The following KYNU variants were observed in gnomAD, a reference collection of about 807,000 sequenced individuals.
KYNU encodes the protein L-kynurenine hydrolase.
In KYNU, 54 loss-of-function variants were observed where a neutral mutation model predicts 59.2. The observed-to-expected ratio is 0.91, with a 90% confidence interval of 0.73 to 1.14. KYNU has a LOEUF of 1.14. Ranked by LOEUF, KYNU falls within the 50% of genes most tolerant of loss-of-function variation. KYNU has a pLI of 0.00. For synonymous variants in KYNU, 177 were observed against 192.0 expected, an observed-to-expected ratio of 0.92 and a Z score of 0.65; for missense variants, 567 against 554.4, an observed-to-expected ratio of 1.02 and a Z score of -0.23.
chr2:142,965,458 T>TG (rs568743602), intron 8 of KYNU, among the ~76,000 whole-genome samples: 115 of 152,278 alleles, frequency 7.6e-4, no homozygotes, highest in South Asian at 2.1e-3. Flanking sequence ...AAGGGGCTGC[T>TG]GGGGTCCACT....
chr2:142,982,763 T>C (rs1023645764), intron 8 of KYNU, among the ~76,000 whole-genome samples: 6 of 152,202 alleles, frequency 3.9e-5, no homozygotes, highest in East Asian at 1.9e-4. Context: ...CTGGCTCACA[T>C]TGAGGATCTG....
intron 10 of KYNU, among the ~76,000 whole-genome samples, chr2:143,021,647 C>T (rs530574686): frequency 1.2e-4 from 19 of 152,214 alleles, no homozygotes; most frequent in Non-Finnish European, 2.5e-4. Context: ...CGCTTTTAAA[C>T]GACCAGAAAT....
intron 8 of KYNU, among the ~76,000 whole-genome samples, chr2:142,963,040 G>A (rs1684401808): frequency 6.6e-6 from 1 of 152,102 alleles, no homozygotes; most frequent in South Asian, 2.1e-4. Flanking sequence ...AAGCATGGTG[G>A]GAATACAAAA....
Position 143,040,503 on chromosome 2 carries a change from A to G in KYNU, c.1117A>G (p.Lys373Glu), listed in dbSNP as rs1182196513. The change falls in exon 13 of 14, where the codon AAG (lysine) becomes GAG (glutamate). Residue 373 changes from lysine (K) to glutamate (E), a missense_variant. Physicochemically the swap from Lys to Glu is moderately conservative, Grantham distance 56. Coordinates refer to ENST00000264170, the MANE Select transcript of KYNU (RefSeq NM_003937.3). ...LLTGYLEYLI[K>E]HNYGKDKAAT... is the part of the protein sequence containing the mutation. ...AACTGGCTATCTGGAATACCTGATC[A>G]AGCATAACTATGGCAAAGATAAAGC... is the stretch of plus-strand genomic sequence containing the variant. 4.3e-6 allele frequency: 7 copies of G among 1,613,262 alleles called. No individual in the cohort carries two copies. The East Asian group carries it at 1.6e-4, about 36-fold the overall frequency.
At chr2:142,951,922 A>G (rs976044010) in intron 4 of KYNU, among the ~76,000 whole-genome samples, 5 of 152,244 alleles carry the variant, frequency 3.3e-5, no homozygotes, top group African/African-American at 4.8e-5. Flanking sequence ...GGGAAGCTCT[A>G]TACCAAGTGT....
intron 3 of KYNU, among the ~76,000 whole-genome samples, chr2:142,921,002 C>G (rs1682861877): frequency 6.6e-6 from 1 of 152,170 alleles, no homozygotes; most frequent in Non-Finnish European, 1.5e-5. Flanking sequence ...AACTTTTTCT[C>G]TACCAAATGA....
chr2:143,035,876 G>C (rs1236871548), intron 12 of KYNU, among the ~76,000 whole-genome samples: 1 of 152,042 alleles, frequency 6.6e-6, no homozygotes, highest in African/African-American at 2.4e-5. Context: ...GGACTCAGTT[G>C]ATCTTCCCAC....
chr2:142,977,639 C>G (rs1489848665), intron 8 of KYNU, among the ~76,000 whole-genome samples: 1 of 151,886 alleles, frequency 6.6e-6, no homozygotes, highest in Non-Finnish European at 1.5e-5. Flanking sequence ...TCTCATTGAA[C>G]TATACTATAC....
chr2:143,043,570 G>A lies in KYNU; in HGVS notation c.*1398G>A, dbSNP rs1687113755. 1 of 151,564 alleles carries A rather than the reference G, an allele frequency of 6.6e-6. No homozygotes were observed. The highest frequency in any genetic ancestry group is 2.1e-4 in the South Asian group (1 of 4,826). The allele number at this position is 151,564 out of a possible 1,614,324, so 9.4% of individuals were successfully genotyped here. On this transcript the variant is annotated 3_prime_UTR_variant, in exon 14 of 14. Coordinates refer to ENST00000264170, the MANE Select transcript of KYNU (RefSeq NM_003937.3). ...CTGATATTTATCATGTACTTACCAT[G>A]TACCATGTATTGTGCTACATTACTC...
At chr2:142,946,978 A>G in intron 4 of KYNU, 1 of 1,446,614 alleles carries the variant, frequency 6.9e-7, no homozygotes, top group Non-Finnish European at 9.3e-7. Context: ...TTGTATTTCA[A>G]ATAGCCAACT....
At chr2:142,993,344 G>T (rs1685455573) in intron 10 of KYNU, among the ~76,000 whole-genome samples, 1 of 151,834 alleles carries the variant, frequency 6.6e-6, no homozygotes, top group African/African-American at 2.4e-5. Context: ...TCATAAAATT[G>T]TTCTTTATCT....
Position 143,042,112 on chromosome 2 carries a change from T to C in KYNU, c.1338T>C (p.Asp446=), listed in dbSNP as rs1315847181. The C allele has an allele frequency of 1.2e-6, 2 of 1,610,952 alleles. No homozygotes were observed. The highest frequency in any genetic ancestry group is 1.7e-6 in the Non-Finnish European group (2 of 1,178,220). ...APVPLYNSFH[D]VYKFTNLLTS... is the part of the protein sequence containing the mutation. ...TTCCTCTCTATAATTCTTTCCATGA[T>C]GTTTATAAATTTACCAATCTGCTCA... The change falls in exon 14 of 14, where the codon GAT becomes GAC. Residue 446 remains aspartate, a synonymous_variant. Coordinates refer to ENST00000264170, the MANE Select transcript of KYNU (RefSeq NM_003937.3).
In KYNU at chr2:142,960,651, A is replaced by G; in HGVS notation, c.610A>G (p.Ile204Val). ...GGAAGAAACCTTAAGAATAGAGGAT[A>G]TCCTTGAAGTAATTGAGAAGGAAGG... The part of the protein sequence containing the change: ...EGEETLRIED[I>V]LEVIEKEGDS... Residue 204 changes from isoleucine (I) to valine (V), a missense_variant, in exon 8 of 14, where the codon ATC (isoleucine) becomes GTC (valine). By Grantham distance (29) the Ile-to-Val change is conservative. Coordinates refer to ENST00000264170, the MANE Select transcript of KYNU (RefSeq NM_003937.3). 6.2e-7 allele frequency: 1 copy of G among 1,613,924 alleles called. No homozygotes were observed. The highest frequency in any genetic ancestry group is 8.5e-7 in the Non-Finnish European group (1 of 1,179,852).
chr2:142,998,735 C>A (rs955954129), intron 10 of KYNU, among the ~76,000 whole-genome samples: 5 of 151,992 alleles, frequency 3.3e-5, no homozygotes, highest in African/African-American at 9.7e-5. Flanking sequence ...TGTGACCAGG[C>A]GCAGAGGCTC....
At chr2:142,930,596 A>G (rs1013991053) in intron 4 of KYNU, among the ~76,000 whole-genome samples, 6 of 152,136 alleles carry the variant, frequency 3.9e-5, no homozygotes, top group Non-Finnish European at 7.4e-5. Flanking sequence ...CCTTTTCACT[A>G]TGTCCTCACA....
At position 143,015,157 on chromosome 2, in the gene KYNU, T is replaced by C. The variant is rs181103092; in HGVS notation, c.903-14470T>C. On this transcript the variant is annotated intron_variant, in intron 10 of 13. Coordinates refer to ENST00000264170, the MANE Select transcript of KYNU (RefSeq NM_003937.3). ...CCTCCTGTCTTGGCCTCTCAATTGA[T>C]GATAAGTTTTCTAATCAGATTTAGT... Among the ~76,000 whole-genome samples the C allele has an allele frequency of 1.4e-3, 208 of 152,304 alleles. 3 individuals are homozygous for C. The highest frequency in any genetic ancestry group is 0.013 in the Admixed American group (206 of 15,302).
At chr2:142,918,843 C>T in intron 3 of KYNU, 114 bp downstream of exon 3, 1 of 1,229,360 alleles carries the variant, frequency 8.1e-7, no homozygotes, top group South Asian at 1.3e-5. Context: ...ACAGTCATCC[C>T]TTGGCATCTG....
chr2:142,907,125 G>A (rs1682324367), intron 2 of KYNU, among the ~76,000 whole-genome samples: 1 of 152,176 alleles, frequency 6.6e-6, no homozygotes, highest in Non-Finnish European at 1.5e-5. Context: ...GCCACCAAAT[G>A]TTACCAGCGG....
intron 2 of KYNU, among the ~76,000 whole-genome samples, chr2:142,900,594 G>GCCCCATGTTTA (rs1166586533): frequency 6.6e-6 from 1 of 152,168 alleles, no homozygotes; most frequent in Non-Finnish European, 1.5e-5. Context: ...TAAGTTGCAA[G>GCCCCATGTTTA]CCCCATGTTT....
Sources: allele counts gnomAD v4.1 joint callset (sites outside exome capture counted in the v4.1 genomes callset), GRCh38; gene constraint gnomAD v4.1.1; transcripts MANE v1.5; gene names NCBI Gene and HGNC (gene_info 2026-07-23, HGNC 2026-07-21).